MERTK: variants seen among roughly 807,000 people sequenced by gnomAD.
MERTK encodes the protein tyrosine-protein kinase Mer.
A neutral mutation model predicts 99.3 loss-of-function variants in MERTK; 69 were observed. That is an observed-to-expected ratio of 0.70 (90% CI 0.57 to 0.85). MERTK has a LOEUF of 0.85. Ranked by LOEUF, MERTK falls within the 40% of genes least tolerant of loss-of-function variation. The pLI is 0.00. For missense variants in MERTK, 1,125 were observed against 1,249.4 expected (o/e 0.90, Z 1.50); for synonymous variants, 426 against 467.6 (o/e 0.91, Z 1.15).
intron 11 of MERTK, among the ~76,000 whole-genome samples, chr2:112,001,836 A>G (rs1426700921): frequency 1.3e-5 from 2 of 152,212 alleles, no homozygotes; most frequent in African/African-American, 2.4e-5. Context: ...TTTGCCCCCA[A>G]TAAAGAAAAT....
intron 2 of MERTK, 40 bp downstream of exon 2, chr2:111,929,580 A>ATATTTATTTATTTATGTATTTATTTATT (rs1553447429): frequency 2.7e-5 from 29 of 1,092,744 alleles, no homozygotes; most frequent in Non-Finnish European, 3.6e-5. Flanking sequence ...TTTAGTTTTA[A>ATATTTATTTATTTATGTATTTATTTATT]TATTTATTTA....
At chr2:111,976,582 A>G (rs976444335) in intron 7 of MERTK, among the ~76,000 whole-genome samples, 2 of 151,096 alleles carry the variant, frequency 1.3e-5, no homozygotes, top group East Asian at 1.9e-4. Context: ...AGGTTATTAT[A>G]TATATGTACA....
chr2:112,007,765 C>T (rs1677014496), intron 13 of MERTK, among the ~76,000 whole-genome samples: 1 of 151,582 alleles, frequency 6.6e-6, no homozygotes, highest in Non-Finnish European at 1.5e-5. Context: ...ACAATAGAAA[C>T]AGAGAGGTGT....
chr2:112,029,392 T>TACACA lies in MERTK; in HGVS notation c.*528_*529insACACA. The TACACA allele has an allele frequency of 2.2e-6, 2 of 925,342 alleles. No homozygotes were observed. Among genetic ancestry groups the TACACA allele is most frequent in the South Asian group, 5.0e-5 (1 of 20,028 alleles). 57.3% of individuals were successfully genotyped at this position (925,342 alleles called of 1,614,324 possible). On this transcript the variant is annotated 3_prime_UTR_variant, in exon 19 of 19. Coordinates refer to ENST00000295408, the MANE Select transcript of MERTK (RefSeq NM_006343.3). Reference sequence around the variant, plus strand: ...AGGATATGTTGAACTTACTTGAGACTTGAAAGACAGTGGTCGGCAGCGGCC... The same window carrying TACACA: ...AGGATATGTTGAACTTACTTGAGACTACACATGAAAGACAGTGGTCGGCAGCGGCC...
intron 2 of MERTK, chr2:111,930,103 C>T (rs1464819789): frequency 6.5e-6 from 1 of 152,700 alleles, no homozygotes; most frequent in Non-Finnish European, 1.5e-5. Context: ...CCCACCTGAC[C>T]TACATATCAT....
At chr2:111,923,183 C>T (rs986016860) in intron 1 of MERTK, among the ~76,000 whole-genome samples, 10 of 152,182 alleles carry the variant, frequency 6.6e-5, no homozygotes, top group African/African-American at 2.4e-4. Context: ...GATGATGCCA[C>T]CTCCAGCCTT....
At chr2:111,941,095 CG>C in intron 2 of MERTK, 2 of 393,758 alleles carry the variant, frequency 5.1e-6, no homozygotes, top group Non-Finnish European at 9.8e-6. Flanking sequence ...GGAGCTTATC[CG>C]TCACTAACTT....
At chr2:112,003,733 G>A (rs4278932) in intron 12 of MERTK, among the ~76,000 whole-genome samples, 171 bp from the exon 13 acceptor site, 37,791 of 152,090 alleles carry the variant, frequency 0.25, 4,958 homozygotes, top group South Asian at 0.32. Flanking sequence ...AGACTAGAGC[G>A]TGGCGCATCA....
chr2:111,982,693 TTGAAAAGG>T (rs1676396760), intron 7 of MERTK, 141 bp from the exon 8 acceptor site: 2 of 840,436 alleles, frequency 2.4e-6, no homozygotes, highest in African/African-American at 3.4e-5. Flanking sequence ...AAAATCTTAG[TTGAAAAGG>T]TGAAAATGTG....
chr2:111,944,955 T>C lies in MERTK; in HGVS notation c.483-5T>C. 1.9e-6 allele frequency: 3 copies of C among 1,611,484 alleles called. No homozygotes were observed. The South Asian group carries it at 3.3e-5, about 18-fold the overall frequency. On this transcript the variant is annotated splice_polypyrimidine_tract_variant and splice_region_variant and intron_variant, in intron 2 of 18. Coordinates refer to ENST00000295408, the MANE Select transcript of MERTK (RefSeq NM_006343.3). ...GTAAATATCTTCATGTGTTTTTCTTTGCAGCATAACCAGTGTGCAGCGTTC... is the reference window on the plus strand; with the variant it reads ...GTAAATATCTTCATGTGTTTTTCTTCGCAGCATAACCAGTGTGCAGCGTTC...
intron 14 of MERTK, 64 bp from the exon 15 acceptor site, chr2:112,009,884 C>A: frequency 1.6e-6 from 2 of 1,266,722 alleles, no homozygotes; most frequent in Non-Finnish European, 2.3e-6. Context: ...CAGTGGTCCA[C>A]GAGGGCTTTT....
At chr2:111,930,499 A>C (rs1307783407) in intron 2 of MERTK, 1 of 150,510 alleles carries the variant, frequency 6.6e-6, no homozygotes, top group Non-Finnish European at 1.5e-5. Context: ...AAGCCAGTGC[A>C]GCTCTCTCGT....
At chr2:111,907,517 G>A (rs1239325152) in intron 1 of MERTK, among the ~76,000 whole-genome samples, 6 of 152,208 alleles carry the variant, frequency 3.9e-5, no homozygotes, top group Non-Finnish European at 1.5e-5. Flanking sequence ...CAACTCTGGG[G>A]CAATAGAATA....
chr2:111,944,530 A>ATTCCTTAAAATAATTCCTCTGTT, intron 2 of MERTK, among the ~76,000 whole-genome samples: 1 of 152,202 alleles, frequency 6.6e-6, no homozygotes, highest in South Asian at 2.1e-4. Context: ...GTTTTAAGGA[A>ATTCCTTAAAATAATTCCTCTGTT]TTAGCTCACA....
At chr2:111,965,715 C>G (rs1685346840) in intron 5 of MERTK, among the ~76,000 whole-genome samples, 1 of 152,120 alleles carries the variant, frequency 6.6e-6, no homozygotes, top group South Asian at 2.1e-4. Context: ...TGGACCCTGT[C>G]CTTCCCAGGT....
chr2:111,946,042 C>A (rs1489922301), intron 3 of MERTK, among the ~76,000 whole-genome samples: 1 of 152,064 alleles, frequency 6.6e-6, no homozygotes, highest in Non-Finnish European at 1.5e-5. Flanking sequence ...GAAATTGATG[C>A]CCACCAATGT....
At chr2:112,010,216 G>C in intron 15 of MERTK, 150 bp downstream of exon 15, 1 of 715,136 alleles carries the variant, frequency 1.4e-6, no homozygotes, top group South Asian at 1.4e-5. Flanking sequence ...GGGTTGAAAT[G>C]TGGGGTCTAT....
intron 4 of MERTK, among the ~76,000 whole-genome samples, chr2:111,949,264 A>G (rs969514135): frequency 3.3e-5 from 5 of 152,074 alleles, no homozygotes; most frequent in Non-Finnish European, 7.4e-5. Context: ...CTTAGAGAAC[A>G]TATGCTCAGT....
intron 12 of MERTK, 27 bp from the exon 13 acceptor site, chr2:112,003,877 C>T: frequency 6.4e-7 from 1 of 1,566,878 alleles, no homozygotes; most frequent in Non-Finnish European, 8.8e-7. Context: ...TGCACAGTGT[C>T]CATACAGGTG....
Sources: allele counts gnomAD v4.1 joint callset (sites outside exome capture counted in the v4.1 genomes callset), GRCh38; gene constraint gnomAD v4.1.1; transcripts MANE v1.5; gene names NCBI Gene and HGNC (gene_info 2026-07-23, HGNC 2026-07-21).